The following PTPRQ variants were observed in gnomAD, a reference collection of about 807,000 sequenced individuals.
PTPRQ encodes protein tyrosine phosphatase receptor type Q.
PTPRQ carries 199 observed loss-of-function variants against 246.0 expected under a neutral mutation model. The ratio of observed to expected loss-of-function variants is 0.81; its 90% CI spans 0.72 to 0.91. The LOEUF is 0.91. Ranked by LOEUF, PTPRQ falls within the 40% of genes least tolerant of loss-of-function variation. PTPRQ has a pLI of 0.00. For synonymous variants in PTPRQ, 869 were observed against 853.2 expected (o/e 1.02, Z -0.32); for missense variants, 2,624 against 2,528.4 (o/e 1.04, Z -0.81).
At position 80,570,904 on chromosome 12, in the gene PTPRQ, G is replaced by A. The variant is rs978219726; in HGVS notation, c.4286-17225G>A. Among the ~76,000 whole-genome samples, 4 of 152,132 alleles carry A rather than the reference G, an allele frequency of 2.6e-5. No individual in the cohort carries two copies. In the South Asian group the frequency reaches 8.3e-4, roughly 32 times the overall value. On this transcript the variant is annotated intron_variant, in intron 25 of 44. Coordinates refer to ENST00000644991, the MANE Select transcript of PTPRQ (RefSeq NM_001145026.2). ...AAGATCAGATGGTTTTAGATGTGTGGCTTTATTTCTGAGGCCTCTGTTCTG... is the reference window on the plus strand; with the variant it reads ...AAGATCAGATGGTTTTAGATGTGTGACTTTATTTCTGAGGCCTCTGTTCTG...
chr12:80,586,468 C>A (rs1897622694), intron 25 of PTPRQ, among the ~76,000 whole-genome samples: 1 of 151,314 alleles, frequency 6.6e-6, no homozygotes, highest in Non-Finnish European at 1.5e-5. Flanking sequence ...CTAGTTCAAC[C>A]ATTGTGGAAG....
chr12:80,486,738 T>C (rs1894287818), intron 9 of PTPRQ, among the ~76,000 whole-genome samples: 1 of 152,088 alleles, frequency 6.6e-6, no homozygotes, highest in African/African-American at 2.4e-5. Flanking sequence ...GTAGCCTCAT[T>C]CCCCAACTCA....
intron 39 of PTPRQ, among the ~76,000 whole-genome samples, chr12:80,661,915 T>C (rs1354166164): frequency 6.6e-6 from 1 of 151,930 alleles, no homozygotes; most frequent in African/African-American, 2.4e-5. Flanking sequence ...TGATTATCTC[T>C]AATTTATAAT....
chr12:80,453,483 C>T (rs921164725), intron 3 of PTPRQ, among the ~76,000 whole-genome samples: 3 of 149,448 alleles, frequency 2.0e-5, no homozygotes, highest in Admixed American at 6.7e-5. Context: ...TGTTTTTTCC[C>T]CATCTTTGTG....
chr12:80,550,999 C>A (rs978073200), intron 25 of PTPRQ, among the ~76,000 whole-genome samples: 4 of 151,994 alleles, frequency 2.6e-5, no homozygotes, highest in African/African-American at 9.7e-5. Flanking sequence ...TTAGGAAGTC[C>A]TTGCCTTCCT....
chr12:80,671,278 C>T (rs1474634867), intron 42 of PTPRQ, among the ~76,000 whole-genome samples: 1 of 151,968 alleles, frequency 6.6e-6, no homozygotes. Context: ...TTTTTACCTT[C>T]TCAATTTTAA....
rs544191453 is a variant in PTPRQ at position 80,518,911 on chromosome 12, G to A, written c.2678+8468G>A. Among the ~76,000 whole-genome samples, 138 of 152,172 alleles carry A rather than the reference G, an allele frequency of 9.1e-4. 1 individual carries two copies. The highest frequency in any genetic ancestry group is 1.8e-3 in the African/African-American group (73 of 41,528). ...AGTATAATTTGAAGTCAGATAATGC[G>A]ATTCCTCCAGTTTTTTCTTTTTGCT... is the stretch of plus-strand genomic sequence containing the variant. On this transcript the variant is annotated intron_variant, in intron 17 of 44. Transcript: ENST00000644991.
intron 23 of PTPRQ, among the ~76,000 whole-genome samples, chr12:80,544,738 T>C (rs1896254548): frequency 6.6e-6 from 1 of 152,146 alleles, no homozygotes; most frequent in Non-Finnish European, 1.5e-5. Context: ...TTCCTTTCTC[T>C]TTCATCTACC....
Position 80,484,597 on chromosome 12 carries a change from A to C in PTPRQ, c.1351A>C (p.Asn451His). The change falls in exon 9 of 45, where the codon AAT (asparagine) becomes CAT (histidine). Residue 451 changes from asparagine to histidine, a missense_variant. Coordinates refer to ENST00000644991, the MANE Select transcript of PTPRQ (RefSeq NM_001145026.2). ...TTTGGAAAATACTTTGCTCACTGGA[A>C]ATAATGAGGTATTGCATTTTTATTT... is the stretch of plus-strand genomic sequence containing the variant. ...IILENTLLTG[N>H]NEYINDPMAP... The C allele has an allele frequency of 6.5e-7, 1 of 1,550,252 alleles. No homozygotes were observed. Among genetic ancestry groups the C allele is most frequent in the East Asian group, 2.4e-5 (1 of 40,828 alleles).
intron 25 of PTPRQ, among the ~76,000 whole-genome samples, chr12:80,573,963 C>T (rs1451329473): frequency 6.6e-6 from 1 of 152,052 alleles, no homozygotes; most frequent in African/African-American, 2.4e-5. Context: ...ACTTTTCCGC[C>T]TAATCGTTCT....
intron 9 of PTPRQ, among the ~76,000 whole-genome samples, chr12:80,486,770 A>T (rs1485170938): frequency 6.6e-6 from 1 of 152,122 alleles, no homozygotes; most frequent in African/African-American, 2.4e-5. Flanking sequence ...AATGCTTGAA[A>T]TCTTATTAGA....
chr12:80,553,685 G>A (rs955344990), intron 25 of PTPRQ, among the ~76,000 whole-genome samples: 5 of 152,122 alleles, frequency 3.3e-5, no homozygotes, highest in Non-Finnish European at 7.3e-5. Flanking sequence ...AGTGTTTGGT[G>A]TCTAAGCTGG....
chr12:80,651,555 A>G (rs997956520), intron 37 of PTPRQ, among the ~76,000 whole-genome samples: 1 of 152,032 alleles, frequency 6.6e-6, no homozygotes, highest in Non-Finnish European at 1.5e-5. Flanking sequence ...CTAAATAGGG[A>G]GAATTGTGGC....
chr12:80,450,412 A>C, intron 3 of PTPRQ, among the ~76,000 whole-genome samples: 1 of 152,254 alleles, frequency 6.6e-6, no homozygotes, highest in Non-Finnish European at 1.5e-5. Flanking sequence ...TTCCAACACT[A>C]TGTTGAATAG....
At chr12:80,463,550 T>C (rs375309386) in intron 6 of PTPRQ, among the ~76,000 whole-genome samples, 7 of 152,034 alleles carry the variant, frequency 4.6e-5, no homozygotes, top group Admixed American at 2.0e-4. Flanking sequence ...AGAGCAACTC[T>C]AAGACACATA....
chr12:80,621,814 C>T (rs1899002101), intron 32 of PTPRQ, among the ~76,000 whole-genome samples: 1 of 151,964 alleles, frequency 6.6e-6, no homozygotes, highest in South Asian at 2.1e-4. Context: ...CTGCTAACTG[C>T]TCACGAGTTT....
At chr12:80,536,995 A>G (rs1896007581) in intron 19 of PTPRQ, among the ~76,000 whole-genome samples, 1 of 152,196 alleles carries the variant, frequency 6.6e-6, no homozygotes, top group Non-Finnish European at 1.5e-5. Flanking sequence ...TATGGTTCCA[A>G]CGTGATCTTC....
chr12:80,577,806 C>T (rs2120981629), intron 25 of PTPRQ, among the ~76,000 whole-genome samples: 1 of 152,200 alleles, frequency 6.6e-6, no homozygotes, highest in African/African-American at 2.4e-5. Context: ...ATTTATAAGA[C>T]TAATTTGGCA....
intron 8 of PTPRQ, among the ~76,000 whole-genome samples, chr12:80,480,857 G>A (rs1894020362): frequency 6.6e-6 from 1 of 152,110 alleles, no homozygotes; most frequent in Admixed American, 6.6e-5. Context: ...ACCAATAACA[G>A]GCTCTGAAAT....
Sources: gnomAD v4.1 joint callset for allele counts (sites outside exome capture counted in the v4.1 genomes callset) on GRCh38, gnomAD v4.1.1 for gene constraint, MANE v1.5 for transcripts, NCBI Gene and HGNC (gene_info 2026-07-23, HGNC 2026-07-21) for gene names.